Variants in PITPNC1 observed in about 807,000 individuals in gnomAD.
PITPNC1 encodes cytoplasmic phosphatidylinositol transfer protein 1.
PITPNC1 carries 18 observed loss-of-function variants against 44.7 expected under a neutral mutation model. The ratio of observed to expected loss-of-function variants is 0.40; its 90% CI spans 0.28 to 0.60. PITPNC1 has a LOEUF of 0.60. PITPNC1 is among the 20% of genes least tolerant of loss of function. The probability of loss-of-function intolerance (pLI) is 0.39; values close to 1 mark genes in which losing one functional copy is unlikely to be tolerated. For synonymous variants in PITPNC1, 141 were observed against 149.6 expected, an observed-to-expected ratio of 0.94 and a Z score of 0.42; for missense variants, 290 against 418.4, an observed-to-expected ratio of 0.69 and a Z score of 2.68.
intron 1 of PITPNC1, chr17:67,471,654 C>G (rs1598713119): frequency 7.8e-6 from 2 of 256,476 alleles, no homozygotes; most frequent in Non-Finnish European, 1.6e-5. Context: ...TCATATACCC[C>G]CTAAAGTTAA....
intron 1 of PITPNC1, among the ~76,000 whole-genome samples, chr17:67,529,721 T>C (rs2040435668): frequency 6.6e-6 from 1 of 151,804 alleles, no homozygotes; most frequent in African/African-American, 2.4e-5. Context: ...CTGAGGTGGG[T>C]GGATCATTTG....
chr17:67,442,204 CATAT>C (rs10526037), intron 1 of PITPNC1, among the ~76,000 whole-genome samples: 1,928 of 53,902 alleles, frequency 0.036, 36 homozygotes, highest in Middle Eastern at 0.071. Context: ...GGAAAATAAG[CATAT>C]ATATATATAT....
chr17:67,461,462 A>T (rs924966332), intron 1 of PITPNC1, among the ~76,000 whole-genome samples: 1 of 152,294 alleles, frequency 6.6e-6, no homozygotes, highest in South Asian at 2.1e-4. Context: ...GCTTAAGGGG[A>T]CCACATACAT....
At chr17:67,528,223 G>A (rs1217734323) in intron 1 of PITPNC1, among the ~76,000 whole-genome samples, 3 of 152,066 alleles carry the variant, frequency 2.0e-5, no homozygotes, top group Non-Finnish European at 2.9e-5. Flanking sequence ...TGTATTTTTA[G>A]TAGAGACGGG....
intron 1 of PITPNC1, among the ~76,000 whole-genome samples, chr17:67,424,816 G>A (rs941999672): frequency 5.9e-5 from 9 of 151,960 alleles, no homozygotes; most frequent in Admixed American, 3.3e-4. Flanking sequence ...TTGCCTCAGT[G>A]TCAGGCCTCT....
At chr17:67,419,556 G>C (rs2038638951) in intron 1 of PITPNC1, among the ~76,000 whole-genome samples, 1 of 152,038 alleles carries the variant, frequency 6.6e-6, no homozygotes, top group Non-Finnish European at 1.5e-5. Context: ...AAAATTCCGA[G>C]AAAGGGAAGA....
chr17:67,533,043 G>A (rs2040484178), intron 2 of PITPNC1, 93 bp downstream of exon 2: 1 of 977,216 alleles, frequency 1.0e-6, no homozygotes, highest in East Asian at 2.6e-5. Flanking sequence ...GGGATGAAAA[G>A]GTCACTTGGA....
At chr17:67,445,310 C>T (rs1003555908) in intron 1 of PITPNC1, among the ~76,000 whole-genome samples, 1 of 151,848 alleles carries the variant, frequency 6.6e-6, no homozygotes, top group African/African-American at 2.4e-5. Flanking sequence ...AACTTTTATT[C>T]TGTGTTTTGG....
At chr17:67,585,925 C>G (rs1461292609) in intron 5 of PITPNC1, among the ~76,000 whole-genome samples, 2 of 152,202 alleles carry the variant, frequency 1.3e-5, no homozygotes, top group Non-Finnish European at 2.9e-5. Context: ...TGATCTTGGA[C>G]TTTCAGCCTC....
chr17:67,425,234 CA>C, intron 1 of PITPNC1, among the ~76,000 whole-genome samples: 1 of 142,358 alleles, frequency 7.0e-6, no homozygotes, highest in Admixed American at 7.0e-5. Flanking sequence ...CACACACACA[CA>C]CACACACACA....
chr17:67,459,113 CTTTTTTT>C (rs886333854), intron 1 of PITPNC1, among the ~76,000 whole-genome samples: 6 of 95,716 alleles, frequency 6.3e-5, no homozygotes, highest in Non-Finnish European at 1.1e-4. Context: ...TTTTCTTTTT[CTTTTTTT>C]TTTTTTTTTT....
chr17:67,632,225 A>G lies in PITPNC1; in HGVS notation c.449A>G (p.Tyr150Cys), dbSNP rs768700785. 1 of 1,601,214 alleles carries G rather than the reference A, an allele frequency of 6.2e-7. No homozygotes were observed. Among genetic ancestry groups the G allele is most frequent in the Non-Finnish European group, 8.6e-7 (1 of 1,168,290 alleles). Residue 150 changes from tyrosine to cysteine, a missense_variant, in exon 6 of 9, where the codon TAC becomes TGC. Transcript: ENST00000581322. Reference protein sequence around the residue: ...IACDEIPERYYKESEDPKHFK... With the variant: ...IACDEIPERYCKESEDPKHFK... ...TGCGATGAAATTCCAGAGCGCTACT[A>G]CAAAGAATCTGAGGTAAGCAACAGT...
At chr17:67,419,571 C>G (rs2038639201) in intron 1 of PITPNC1, among the ~76,000 whole-genome samples, 1 of 152,042 alleles carries the variant, frequency 6.6e-6, no homozygotes, top group Non-Finnish European at 1.5e-5. Flanking sequence ...GGAAGACACT[C>G]TTTTTCCTGA....
At chr17:67,668,449 A>G (rs1427948646) in intron 6 of PITPNC1, among the ~76,000 whole-genome samples, 2 of 152,132 alleles carry the variant, frequency 1.3e-5, no homozygotes, top group Non-Finnish European at 2.9e-5. Context: ...GAGGCCAGGT[A>G]TGGTGGCTCA....
At chr17:67,420,331 C>T (rs1483693008) in intron 1 of PITPNC1, among the ~76,000 whole-genome samples, 1 of 151,862 alleles carries the variant, frequency 6.6e-6, no homozygotes, top group Non-Finnish European at 1.5e-5. Flanking sequence ...AGAAATTAGC[C>T]ACTTCTATTT....
intron 8 of PITPNC1, among the ~76,000 whole-genome samples, chr17:67,688,123 G>A (rs2042851131): frequency 6.6e-6 from 1 of 151,182 alleles, no homozygotes; most frequent in South Asian, 2.1e-4. Flanking sequence ...TGGATCACCT[G>A]AGGTCGGGGG....
chr17:67,692,648 A>G lies in PITPNC1; in HGVS notation c.759A>G (p.Pro253=), dbSNP rs775474899. The change falls in exon 9 of 9, where the codon CCA becomes CCG. Residue 253 remains proline (P), a synonymous_variant. Coordinates refer to ENST00000581322, the MANE Select transcript of PITPNC1 (RefSeq NM_012417.4). ...EATNKKIGIF[P]PAISISSIPL... is the part of the protein sequence containing the mutation. ...CCAACAAGAAAATCGGCATTTTCCC[A>G]CCTGCAATTTCTATCTCCAGCATCC... 1 of 1,613,762 alleles carries G rather than the reference A, an allele frequency of 6.2e-7. No individual in the cohort carries two copies. The highest frequency in any genetic ancestry group is 8.5e-7 in the Non-Finnish European group (1 of 1,179,744).
chr17:67,671,123 T>C (rs2042505550), intron 7 of PITPNC1, among the ~76,000 whole-genome samples: 1 of 152,168 alleles, frequency 6.6e-6, no homozygotes, highest in Non-Finnish European at 1.5e-5. Flanking sequence ...CTTGACCTCC[T>C]GATCTATCTG....
chr17:67,486,330 A>G (rs2039777596), intron 1 of PITPNC1, among the ~76,000 whole-genome samples: 6 of 152,200 alleles, frequency 3.9e-5, no homozygotes. Context: ...CGCTGTGGGC[A>G]AAGGAAGGAA....
Sources: gnomAD v4.1 joint callset for allele counts (sites outside exome capture counted in the v4.1 genomes callset) on GRCh38, gnomAD v4.1.1 for gene constraint, MANE v1.5 for transcripts, NCBI Gene and HGNC (gene_info 2026-07-23, HGNC 2026-07-21) for gene names.